The following WDR48 variants were observed in gnomAD, a reference collection of about 807,000 sequenced individuals.
WDR48 encodes the protein WD repeat-containing protein 48.
In WDR48, 22 loss-of-function variants were observed where a neutral mutation model predicts 94.0. That is an observed-to-expected ratio of 0.23 (90% confidence interval 0.17 to 0.33). The LOEUF (loss-of-function observed/expected upper bound fraction) is 0.33, where lower values mean the gene tolerates loss of function less well. Ranked by LOEUF, WDR48 falls within the 10% of genes least tolerant of loss-of-function variation. The pLI is 1.00. For missense variants in WDR48, 541 were observed against 813.8 expected (o/e 0.66, Z 4.08); for synonymous variants, 278 against 280.5 (o/e 0.99, Z 0.09).
Position 39,056,557 on chromosome 3 carries a change from G to A in WDR48, c.48+4484G>A, listed in dbSNP as rs545599558. ...CTGAAAGCTTAGGGAAGGAGATGAC[G>A]AGGGAGTGGAGGAAAGAATGAAAAT... On this transcript the variant is annotated intron_variant, in intron 1 of 18. Coordinates refer to ENST00000302313, the MANE Select transcript of WDR48 (RefSeq NM_020839.4). 7.2e-5 allele frequency among the ~76,000 whole-genome samples: 11 copies of A among 152,314 alleles called. No homozygotes were observed. The South Asian group carries it at 1.5e-3, about 20-fold the overall frequency.
chr3:39,061,446 T>G (rs914025319), intron 1 of WDR48, among the ~76,000 whole-genome samples: 5 of 152,216 alleles, frequency 3.3e-5, no homozygotes, highest in African/African-American at 1.2e-4. Flanking sequence ...TTTTTATGGC[T>G]GCATAGTATT....
intron 7 of WDR48, among the ~76,000 whole-genome samples, chr3:39,070,968 T>G (rs930285231): frequency 6.6e-6 from 1 of 152,200 alleles, no homozygotes; most frequent in East Asian, 1.9e-4. Flanking sequence ...TTACTGAGAA[T>G]GATGATTTCC....
chr3:39,063,130 T>C lies in WDR48; in HGVS notation c.129T>C (p.Asn43=), dbSNP rs749761965. The C allele has an allele frequency of 1.9e-6, 3 of 1,614,100 alleles. No individual in the cohort carries two copies. The highest frequency in any genetic ancestry group is 1.1e-5 in the South Asian group (1 of 91,080). ...CTCTGCAGCTGGATCCAGCACTAAA[T>C]AGACTTTTCACAGCCGGTCGAGACT... ...VNALQLDPAL[N]RLFTAGRDSI... Residue 43 remains asparagine (N), a synonymous_variant, in exon 2 of 19, where the codon AAT becomes AAC. Coordinates refer to ENST00000302313, the MANE Select transcript of WDR48 (RefSeq NM_020839.4).
intron 2 of WDR48, 68 bp from the exon 3 acceptor site, chr3:39,065,743 C>A: frequency 8.4e-7 from 1 of 1,197,124 alleles, no homozygotes; most frequent in South Asian, 1.4e-5. Context: ...AGAATTTAAC[C>A]ATATCTATCA....
At chr3:39,061,137 A>C (rs771825017) in intron 1 of WDR48, among the ~76,000 whole-genome samples, 2 of 152,200 alleles carry the variant, frequency 1.3e-5, no homozygotes, top group Non-Finnish European at 2.9e-5. Context: ...TCTAGGGTAC[A>C]TGTGCACAAC....
chr3:39,087,945 A>G (rs2034895191), intron 14 of WDR48, 183 bp from the exon 15 acceptor site: 1 of 583,412 alleles, frequency 1.7e-6, no homozygotes. Context: ...AATAGACCAC[A>G]AGTTGCTGTG....
chr3:39,068,242 A>G (rs1043584260), intron 5 of WDR48, among the ~76,000 whole-genome samples: 25 of 152,220 alleles, frequency 1.6e-4, no homozygotes, highest in African/African-American at 6.0e-4. Context: ...TACTATATAG[A>G]CAGTTTCATA....
chr3:39,073,036 C>T (rs1409440624), intron 7 of WDR48, among the ~76,000 whole-genome samples: 1 of 152,170 alleles, frequency 6.6e-6, no homozygotes, highest in African/African-American at 2.4e-5. Flanking sequence ...CCCCAGGCCA[C>T]GAGGACTTCT....
chr3:39,074,299 A>G (rs1018661712), intron 7 of WDR48, among the ~76,000 whole-genome samples: 2 of 152,226 alleles, frequency 1.3e-5, no homozygotes, highest in African/African-American at 4.8e-5. Context: ...TCTAAGCATA[A>G]TGAATAGGTG....
chr3:39,085,219 T>G (rs2125677441), intron 13 of WDR48, among the ~76,000 whole-genome samples: 2 of 144,534 alleles, frequency 1.4e-5, no homozygotes, highest in South Asian at 4.3e-4. Flanking sequence ...AGAGCGAGAC[T>G]CTATCTCAAA....
intron 7 of WDR48, among the ~76,000 whole-genome samples, chr3:39,071,204 A>G (rs2033917834): frequency 6.6e-6 from 1 of 152,202 alleles, no homozygotes; most frequent in Non-Finnish European, 1.5e-5. Flanking sequence ...ATCATAATAT[A>G]TAGTTTATAT....
At chr3:39,062,969 T>C in intron 1 of WDR48, 81 bp from the exon 2 acceptor site, 1 of 1,518,236 alleles carries the variant, frequency 6.6e-7, no homozygotes, top group Non-Finnish European at 8.9e-7. Context: ...ATTTTCTGTT[T>C]CAGATTGGCC....
intron 16 of WDR48, 61 bp from the exon 17 acceptor site, chr3:39,091,564 C>T: frequency 8.1e-7 from 1 of 1,237,178 alleles, no homozygotes; most frequent in Admixed American, 2.6e-5. Context: ...TTCCTATTAA[C>T]ATTATTTTCA....
At chr3:39,070,508 A>G (rs1413100258) in intron 7 of WDR48, among the ~76,000 whole-genome samples, 1 of 152,172 alleles carries the variant, frequency 6.6e-6, no homozygotes, top group African/African-American at 2.4e-5. Flanking sequence ...AAGACTTTAG[A>G]CATGAAATTG....
At position 39,074,786 on chromosome 3, in the gene WDR48, A is replaced by G. The variant is rs951045099; in HGVS notation, c.733A>G (p.Ile245Val). 6.2e-7 allele frequency: 1 copy of G among 1,614,214 alleles called. No individual in the cohort carries two copies. Among genetic ancestry groups the G allele is most frequent in the Non-Finnish European group, 8.5e-7 (1 of 1,180,024 alleles). Reference protein sequence around the residue: ...RLWSLGQQRCIATYRVHDEGV... With the variant: ...RLWSLGQQRCVATYRVHDEGV... ...TTGGTCCCTTGGCCAGCAGAGATGT[A>G]TAGCAACATACCGAGTCCATGATGA... Residue 245 changes from isoleucine to valine, a missense_variant, in exon 8 of 19, where the codon ATA becomes GTA. Coordinates refer to ENST00000302313, the MANE Select transcript of WDR48 (RefSeq NM_020839.4).
intron 11 of WDR48, among the ~76,000 whole-genome samples, chr3:39,082,079 A>G (rs1439205902): frequency 6.6e-6 from 1 of 152,132 alleles, no homozygotes; most frequent in Non-Finnish European, 1.5e-5. Context: ...GAACATCTCT[A>G]AAATGGTTTC....
chr3:39,076,115 GA>G (rs1250844005), intron 8 of WDR48, among the ~76,000 whole-genome samples: 1 of 152,206 alleles, frequency 6.6e-6, no homozygotes. Context: ...GAAACTAAGT[GA>G]CATCTGAAAC....
In WDR48 at chr3:39,096,352, G is replaced by C. The variant is rs1249125293; in HGVS notation, c.*1609G>C. On this transcript the variant is annotated 3_prime_UTR_variant, in exon 19 of 19. Transcript: ENST00000302313. ...CTGTTGGATACAACAGTGTGCTTTTGGTGCACATTTTTTAGCAATAGTTGT... is the reference window on the plus strand; with the variant it reads ...CTGTTGGATACAACAGTGTGCTTTTCGTGCACATTTTTTAGCAATAGTTGT... 2 of 151,742 alleles carry C rather than the reference G, an allele frequency of 1.3e-5. No homozygotes were observed. The highest frequency in any genetic ancestry group is 4.8e-5 in the African/African-American group (2 of 41,242). The allele number at this position is 151,742 out of a possible 1,614,324, so 9.4% of individuals were successfully genotyped here. A position where few individuals can be genotyped will look rare whatever the true frequency, so the allele number is the denominator to read the frequency against.
intron 14 of WDR48, among the ~76,000 whole-genome samples, chr3:39,086,611 A>T (rs951119605): frequency 3.9e-5 from 6 of 152,212 alleles, no homozygotes; most frequent in African/African-American, 1.4e-4. Flanking sequence ...TGAGCTAAAG[A>T]AACTGATGGA....
Sources: gnomAD v4.1 joint callset for allele counts (sites outside exome capture counted in the v4.1 genomes callset) on GRCh38, gnomAD v4.1.1 for gene constraint, MANE v1.5 for transcripts, NCBI Gene and HGNC (gene_info 2026-07-23, HGNC 2026-07-21) for gene names.